The following ADCK5 variants were observed in gnomAD, a reference collection of about 807,000 sequenced individuals.
ADCK5 encodes uncharacterized aarF domain-containing protein kinase 5.
In ADCK5, 43 loss-of-function variants were observed where a neutral mutation model predicts 64.9. The observed-to-expected ratio is 0.66, with a 90% CI of 0.52 to 0.85. The LOEUF (loss-of-function observed/expected upper bound fraction) is 0.85, where lower values mean the gene tolerates loss of function less well. ADCK5 is among the 40% of genes least tolerant of loss of function. The probability of loss-of-function intolerance (pLI) is 0.00; values close to 1 mark genes in which losing one functional copy is unlikely to be tolerated. For missense variants in ADCK5, 760 were observed against 810.5 expected (o/e 0.94, Z 0.76); for synonymous variants, 434 against 342.8 (o/e 1.27, Z -2.94).
rs1341559298 is a variant in ADCK5 at position 144,393,138 on chromosome 8, G to C, written c.*64G>C. The stretch of plus-strand genomic sequence containing the variant: ...TGGGCTGACGGAGGTGGCGGGGCTA[G>C]AGGTGTAGACACCCCGAGCCCCGTG... On this transcript the variant is annotated 3_prime_UTR_variant, in exon 15 of 15. Transcript: ENST00000308860. 5.5e-6 allele frequency: 8 copies of C among 1,448,994 alleles called. No homozygotes were observed. The Admixed American group carries it at 1.5e-4, about 27-fold the overall frequency. The allele number at this position is 1,448,994 out of a possible 1,614,324, so 89.8% of individuals were successfully genotyped here. A position where few individuals can be genotyped will look rare whatever the true frequency, so the allele number is the denominator to read the frequency against.
intron 2 of ADCK5, 57 bp downstream of exon 2, chr8:144,379,547 G>C (rs1554857756): frequency 7.1e-7 from 1 of 1,407,086 alleles, no homozygotes; most frequent in Non-Finnish European, 9.7e-7. Flanking sequence ...GATGGCGTCT[G>C]TGTGCATGCA....
Position 144,392,784 on chromosome 8 carries a change from G to A in ADCK5, c.1529G>A (p.Arg510Gln), listed in dbSNP as rs782019641. The A allele has an allele frequency of 6.3e-6, 10 of 1,593,170 alleles. No individual in the cohort carries two copies. The highest frequency in any genetic ancestry group is 7.7e-6 in the Non-Finnish European group (9 of 1,173,956). ...RYFLMAKRAV[R>Q]GWSRLAGATY... ...AACGCGGGTGTGTGCAGGGCTGTCC[G>A]GGGCTGGAGCCGCCTGGCGGGCGCC... Residue 510 changes from arginine (R) to glutamine (Q), a missense_variant, in exon 14 of 15, where the codon CGG becomes CAG. By Grantham distance (43) the Arg-to-Gln change is conservative (BLOSUM62 1). Coordinates refer to ENST00000308860, the MANE Select transcript of ADCK5 (RefSeq NM_174922.5).
chr8:144,385,701 C>T (rs1439895407), intron 3 of ADCK5, among the ~76,000 whole-genome samples: 3 of 151,636 alleles, frequency 2.0e-5, no homozygotes, highest in South Asian at 2.1e-4. Flanking sequence ...TGGTGGCTCA[C>T]GCCTGTAATC....
intron 3 of ADCK5, among the ~76,000 whole-genome samples, chr8:144,389,538 CTTTT>C (rs1220459864): frequency 6.6e-6 from 1 of 152,192 alleles, no homozygotes; most frequent in African/African-American, 2.4e-5. Context: ...TTCTGCAGAT[CTTTT>C]TTTGTTTTTT....
Position 144,383,069 on chromosome 8 carries a change from G to C in ADCK5, c.117-12G>C. On this transcript the variant is annotated splice_polypyrimidine_tract_variant and intron_variant, in intron 2 of 14. Coordinates refer to ENST00000308860, the MANE Select transcript of ADCK5 (RefSeq NM_174922.5). ...GGGGGCGGCGCCTCCAGGCTGCATT[G>C]TCTCTCCTCAGGTTCTCCAGCCCCA... 2 of 1,584,664 alleles carry C rather than the reference G, an allele frequency of 1.3e-6. No homozygotes were observed. The highest frequency in any genetic ancestry group is 1.8e-5 in the Admixed American group (1 of 55,574).
At chr8:144,373,760 C>T, upstream of ADCK5, 1 of 316,934 alleles carries the variant, frequency 3.2e-6, no homozygotes, top group Non-Finnish European at 5.8e-6. Flanking sequence ...AGGAAGCCCT[C>T]AGCCCTCCCC....
chr8:144,392,555 C>A lies in ADCK5; in HGVS notation c.1378C>A (p.Arg460Ser), dbSNP rs782800907. The change falls in exon 13 of 15, where the codon CGC (arginine) becomes AGC (serine). Residue 460 changes from arginine to serine, a missense_variant. Around this residue, in one of 2 missense-constraint regions of ADCK5, gnomAD observed 333 missense variants for 292.0 expected, o/e 1.14. Transcript: ENST00000308860. ...GGCGGCCTACATGGTGGACATGGCC[C>A]GCGAGCGCTTCGAGGCCGTCATGGC... Reference protein sequence around the residue: ...EEAAYMVDMARERFEAVMAVL... With the variant: ...EEAAYMVDMASERFEAVMAVL... 2 of 1,566,270 alleles carry A rather than the reference C, an allele frequency of 1.3e-6. No homozygotes were observed. The highest frequency in any genetic ancestry group is 8.6e-7 in the Non-Finnish European group (1 of 1,162,014).
In ADCK5 at chr8:144,376,853, C is replaced by T. The variant is rs1402060028; in HGVS notation, c.13-2534C>T. Among the ~76,000 whole-genome samples, 3 of 152,214 alleles carry T rather than the reference C, an allele frequency of 2.0e-5. No homozygotes were observed. Among genetic ancestry groups the T allele is most frequent in the Non-Finnish European group, 2.9e-5 (2 of 68,032 alleles). ...GCAGGTGGATGGCCCGCCTACGAGTCGCTGCCCGGCTGCCTTGGGTTTTCC... is the reference window on the plus strand; with the variant it reads ...GCAGGTGGATGGCCCGCCTACGAGTTGCTGCCCGGCTGCCTTGGGTTTTCC... On this transcript the variant is annotated intron_variant, in intron 1 of 14. Transcript: ENST00000308860. This position sits in a 1 kb window ranked among gnomAD's most constrained non-coding sequence, Gnocchi z 5.1.
intron 13 of ADCK5, 37 bp downstream of exon 13, chr8:144,392,734 G>C (rs782061119): frequency 3.8e-6 from 6 of 1,589,000 alleles, no homozygotes; most frequent in South Asian, 2.2e-5. Flanking sequence ...CCGTGGTGGG[G>C]CTGGTGTGGG....
At chr8:144,377,655 C>A (rs566130371) in intron 1 of ADCK5, among the ~76,000 whole-genome samples, 216 of 152,326 alleles carry the variant, frequency 1.4e-3, no homozygotes, top group Non-Finnish European at 2.7e-3. Flanking sequence ...ACCCTTGGGA[C>A]TTCTTTACGT....
At position 144,392,961 on chromosome 8, in the gene ADCK5, C is replaced by G. The variant is rs912961538; in HGVS notation, c.1638-8C>G. ...ACCCACCTGTGACCTGTGACCTGAC[C>G]CACGCAGGCTGGAGACCTTGGCCAT... On this transcript the variant is annotated splice_region_variant and splice_polypyrimidine_tract_variant and intron_variant, in intron 14 of 14. Coordinates refer to ENST00000308860, the MANE Select transcript of ADCK5 (RefSeq NM_174922.5). 18 of 1,579,698 alleles carry G rather than the reference C, an allele frequency of 1.1e-5. No homozygotes were observed. Among genetic ancestry groups the G allele is most frequent in the African/African-American group, 1.5e-5 (1 of 68,532 alleles).
intron 12 of ADCK5, 36 bp downstream of exon 12, chr8:144,392,381 AGG>A: frequency 4.1e-6 from 6 of 1,476,196 alleles, no homozygotes; most frequent in Non-Finnish European, 5.4e-6. Flanking sequence ...GCACCACAGA[AGG>A]GAGTCGGGCG....
rs143148314 is a variant in ADCK5 at position 144,391,018 on chromosome 8, G to A, written c.505G>A (p.Val169Met). 241 of 1,612,906 alleles carry A rather than the reference G, an allele frequency of 1.5e-4. 1 individual carries two copies. In the Admixed American group the frequency reaches 2.4e-3, roughly 16 times the overall value. Residue 169 changes from valine (V) to methionine (M), a missense_variant, in exon 5 of 15, where the codon GTG becomes ATG. Transcript: ENST00000308860. Reference sequence around the variant, plus strand: ...CCCCGAGTATACCCGGACCCTGCGCGTGCTAGAGGACAGGGCCCTCAAGCG... The same window carrying A: ...CCCCGAGTATACCCGGACCCTGCGCATGCTAGAGGACAGGGCCCTCAAGCG... The part of the protein sequence containing the change: ...LPPEYTRTLR[V>M]LEDRALKRGF...
Position 144,374,073 on chromosome 8 carries a change from G to A in ADCK5, c.-23G>A, listed in dbSNP as rs1554856645. On this transcript the variant is annotated 5_prime_UTR_variant, in exon 1 of 15. Transcript: ENST00000308860. ...AGACGCTAAGCGGCGCCGGGCGGGA[G>A]AAGAGCGGAGCAGTGGTCGGAGATG... 3 of 1,247,056 alleles carry A rather than the reference G, an allele frequency of 2.4e-6. No individual in the cohort carries two copies. Among genetic ancestry groups the A allele is most frequent in the East Asian group, 3.1e-5 (1 of 31,752 alleles). 77.2% of individuals were successfully genotyped at this position (1,247,056 alleles called of 1,614,324 possible).
At chr8:144,383,736 G>A (rs575774508) in intron 3 of ADCK5, among the ~76,000 whole-genome samples, 77 of 152,266 alleles carry the variant, frequency 5.1e-4, no homozygotes, top group African/African-American at 1.8e-3. Flanking sequence ...AAGAACTCAG[G>A]GGGAGGGTGA....
At chr8:144,389,456 C>G in intron 3 of ADCK5, 1 of 415,458 alleles carries the variant, frequency 2.4e-6, no homozygotes, top group Admixed American at 2.5e-5. Flanking sequence ...TCCATACTGT[C>G]CCCTACCCCA....
In ADCK5 at chr8:144,382,546, C is replaced by G. The variant is rs151050491; in HGVS notation, c.117-535C>G. Reference sequence around the variant, plus strand: ...AGTATTGGGCTCTTGCTGTATTCAGCAAGTATTGGGCTTCTGCTGTATTCA... The same window carrying G: ...AGTATTGGGCTCTTGCTGTATTCAGGAAGTATTGGGCTTCTGCTGTATTCA... On this transcript the variant is annotated intron_variant, in intron 2 of 14. Transcript: ENST00000308860. Among the ~76,000 whole-genome samples, 29 of 152,324 alleles carry G rather than the reference C, an allele frequency of 1.9e-4. No individual in the cohort carries two copies. The East Asian group carries it at 4.8e-3, about 25-fold the overall frequency.
intron 12 of ADCK5, 29 bp from the exon 13 acceptor site, chr8:144,392,416 C>T: frequency 7.5e-7 from 1 of 1,333,424 alleles, no homozygotes; most frequent in Non-Finnish European, 9.8e-7. Flanking sequence ...CTCAGAGCCC[C>T]CTCCCTCCCT....
intron 3 of ADCK5, among the ~76,000 whole-genome samples, chr8:144,383,483 C>T (rs1161632154): frequency 7.2e-5 from 11 of 152,136 alleles, no homozygotes; most frequent in Non-Finnish European, 1.6e-4. Context: ...TGGATGCAGC[C>T]GCCACAGGCC....
Sources: gnomAD v4.1 joint callset for allele counts (sites outside exome capture counted in the v4.1 genomes callset) on GRCh38, gnomAD v4.1.1 for gene constraint, gnomAD v4.1.1 regional missense constraint, Gnocchi (gnomAD v3.1) non-coding constraint, MANE v1.5 for transcripts, NCBI Gene and HGNC (gene_info 2026-07-23, HGNC 2026-07-21) for gene names.